The following HDAC7 variants were observed in gnomAD, a reference collection of about 807,000 sequenced individuals.
HDAC7 encodes histone deacetylase 7, also known as histone deacetylase 7A.
In HDAC7, 26 loss-of-function variants were observed where a neutral mutation model predicts 115.5. That is an observed-to-expected ratio of 0.23 (90% CI 0.16 to 0.31). The LOEUF is 0.31. Among genes scored for constraint, HDAC7 ranks in the 10% least tolerant of loss-of-function variants. The pLI, the probability that HDAC7 is intolerant of heterozygous loss-of-function variation, is 1.00. For missense variants in HDAC7, 1,068 were observed against 1,329.0 expected, an observed-to-expected ratio of 0.80 and a Z score of 3.05; for synonymous variants, 564 against 550.9, an observed-to-expected ratio of 1.02 and a Z score of -0.33.
At position 47,811,106 on chromosome 12, in the gene HDAC7, C is replaced by T. The variant is rs147404171; in HGVS notation, c.19+8661G>A. ...TGTGAATAGCCACAAGCTGTGAATC[C>T]TGACACTCACAGGGATGCCACATTA... On this transcript the variant is annotated intron_variant, in intron 1 of 25. Coordinates refer to ENST00000080059, the MANE Select transcript of HDAC7 (RefSeq NM_015401.5). Among the ~76,000 whole-genome samples, 841 of 152,268 alleles carry T rather than the reference C, an allele frequency of 5.5e-3. 11 individuals carry two copies. Among genetic ancestry groups the T allele is most frequent in the Middle Eastern group, 0.01 (3 of 294 alleles).
In HDAC7 at chr12:47,793,335, C is replaced by CG; in HGVS notation, c.1678+33_1678+34insC. Reference sequence around the variant, plus strand: ...CACATGGACTCGTGCAGCCGAGCCCCTCCCTCCACCCGCCACCCTCCTCCC... The same window carrying CG: ...CACATGGACTCGTGCAGCCGAGCCCCGTCCCTCCACCCGCCACCCTCCTCCC... On this transcript the variant is annotated intron_variant, in intron 13 of 25. Transcript: ENST00000080059. The surrounding 1 kb of genome is among the most constrained non-coding windows in gnomAD (Gnocchi z 4.5). 7.5e-7 allele frequency: 1 copy of CG among 1,332,066 alleles called. No homozygotes were observed. 82.5% of individuals were successfully genotyped at this position (1,332,066 alleles called of 1,614,324 possible).
At chr12:47,817,695 T>C (rs1944888081) in intron 1 of HDAC7, 1 of 152,270 alleles carries the variant, frequency 6.6e-6, no homozygotes, top group African/African-American at 2.4e-5. Context: ...GGGCCTTGCA[T>C]TAGCTCACCT....
chr12:47,785,703 G>A lies in HDAC7; in HGVS notation c.2706+49C>T, dbSNP rs370045927. ...TGCTCCTTGGGTAGTCCTGAGAGCC[G>A]GGCTTACCTGCCTGACAGAAGCATG... On this transcript the variant is annotated intron_variant, in intron 23 of 25. Transcript: ENST00000080059. 425 of 1,567,400 alleles carry A rather than the reference G, an allele frequency of 2.7e-4. 1 individual carries two copies. The highest frequency in any genetic ancestry group is 3.2e-4 in the African/African-American group (24 of 74,102).
At chr12:47,787,080 A>G (rs1429356824) in intron 21 of HDAC7, among the ~76,000 whole-genome samples, 2 of 152,014 alleles carry the variant, frequency 1.3e-5, no homozygotes, top group Admixed American at 6.5e-5. Flanking sequence ...GCGGAGATGG[A>G]CTCTGGTCAC....
At chr12:47,816,172 G>A (rs189093184) in intron 1 of HDAC7, among the ~76,000 whole-genome samples, 68 of 152,218 alleles carry the variant, frequency 4.5e-4, no homozygotes, top group African/African-American at 1.5e-3. Flanking sequence ...GATTACAGGC[G>A]TAAGTCACCG....
chr12:47,799,149 T>C (rs1944039198), intron 2 of HDAC7, 177 bp from the exon 3 acceptor site: 1 of 556,190 alleles, frequency 1.8e-6, no homozygotes, highest in South Asian at 2.7e-5. Flanking sequence ...ATCAATTCCA[T>C]TTTACTCGTG....
At position 47,803,736 on chromosome 12, in the gene HDAC7, A is replaced by C. The variant is rs565900957; in HGVS notation, c.20-1462T>G. 6.6e-6 allele frequency among the ~76,000 whole-genome samples: 1 copy of C among 152,258 alleles called. No individual in the cohort carries two copies. The highest frequency in any genetic ancestry group is 2.4e-5 in the African/African-American group (1 of 41,560). ...GGCAGGCTCTGTTAGTAGCTGACAA[A>C]TCAAATACAATGACTCTCTCCTGAC... is the stretch of plus-strand genomic sequence containing the variant. On this transcript the variant is annotated intron_variant, in intron 1 of 25. Coordinates refer to ENST00000080059, the MANE Select transcript of HDAC7 (RefSeq NM_015401.5). The surrounding 1 kb of genome is among the most constrained non-coding windows in gnomAD (Gnocchi z 4.0).
intron 21 of HDAC7, 22 bp from the exon 22 acceptor site, chr12:47,786,725 C>G (rs2240108): frequency 1.9e-6 from 3 of 1,591,452 alleles, no homozygotes; most frequent in Non-Finnish European, 2.6e-6. Context: ...CAAGAAGTGG[C>G]GATCATCGTA....
chr12:47,791,743 GC>G lies in HDAC7; in HGVS notation c.1813-38del, dbSNP rs776392178. On this transcript the variant is annotated intron_variant, in intron 14 of 25. Transcript: ENST00000080059. ...ACCACAGAGCTCTGAGCTCATGCTCGCCCCTTCCCTCCCATCACCACCACCC... is the reference window on the plus strand; with the variant it reads ...ACCACAGAGCTCTGAGCTCATGCTCGCCCTTCCCTCCCATCACCACCACCC... 4 of 1,607,652 alleles carry G rather than the reference GC, an allele frequency of 2.5e-6. No homozygotes were observed. The East Asian group carries it at 8.9e-5, about 36-fold the overall frequency.
chr12:47,802,353 G>C (rs1944209557), intron 1 of HDAC7, 79 bp from the exon 2 acceptor site: 1 of 1,539,188 alleles, frequency 6.5e-7, no homozygotes, highest in African/African-American at 1.4e-5. Flanking sequence ...GGTCAAGCCA[G>C]GCCTGCTCCC....
At chr12:47,788,364 A>T (rs1943290040) in intron 19 of HDAC7, 200 bp from the exon 20 acceptor site, 4 of 498,792 alleles carry the variant, frequency 8.0e-6, no homozygotes, top group Non-Finnish European at 1.3e-5. Flanking sequence ...TCTGTGCTGG[A>T]CAGGGCTGGC....
chr12:47,800,478 A>T (rs896770140), intron 2 of HDAC7, among the ~76,000 whole-genome samples: 1 of 152,222 alleles, frequency 6.6e-6, no homozygotes, highest in Non-Finnish European at 1.5e-5. Flanking sequence ...GAATATCAAG[A>T]GGCCTGGAGG....
Position 47,794,749 on chromosome 12 carries a change from G to T in HDAC7, c.1458+11C>A, listed in dbSNP as rs978121247. 1.3e-6 allele frequency: 2 copies of T among 1,565,952 alleles called. No homozygotes were observed. Among genetic ancestry groups the T allele is most frequent in the Non-Finnish European group, 1.7e-6 (2 of 1,158,952 alleles). On this transcript the variant is annotated intron_variant, in intron 12 of 25. Transcript: ENST00000080059. ...GGACACTTTCTGAGGGGCAGGTGGG[G>T]ACTGCCATACCTGAGGGTGCTGCTG...
chr12:47,786,629 T>C lies in HDAC7; in HGVS notation c.2528A>G (p.Glu843Gly). 1 of 1,613,984 alleles carries C rather than the reference T, an allele frequency of 6.2e-7. No homozygotes were observed. The highest frequency in any genetic ancestry group is 8.5e-7 in the Non-Finnish European group (1 of 1,179,990). The change falls in exon 22 of 26, where the codon GAG becomes GGG. Residue 843 changes from glutamate to glycine, a missense_variant. Physicochemically the swap from Glu to Gly is moderately conservative, Grantham distance 98. This residue lies in a region of HDAC7 where 182 missense variants were observed against 301.1 expected (regional missense o/e 0.60). Transcript: ENST00000080059. ...VLVSAGFDAA[E>G]GHPAPLGGYH... is the part of the protein sequence containing the mutation. ...GCCACCCAGTGGGGCCGGGTGACCC[T>C]CAGCAGCATCAAATCCAGCAGACAC...
chr12:47,789,790 C>G (rs1943378637), intron 17 of HDAC7, 23 bp downstream of exon 17: 3 of 1,579,424 alleles, frequency 1.9e-6, no homozygotes, highest in African/African-American at 2.7e-5. Flanking sequence ...GTGGTGTGTC[C>G]ACCTTCAACC....
chr12:47,791,821 C>CCAAAA, intron 14 of HDAC7, 50 bp downstream of exon 14: 16 of 1,539,256 alleles, frequency 1.0e-5, no homozygotes, highest in Non-Finnish European at 1.3e-5. Context: ...CCTCCCCTCC[C>CCAAAA]ATGACTCCTC....
intron 22 of HDAC7, 163 bp from the exon 23 acceptor site, chr12:47,786,048 A>G (rs950365100): frequency 4.4e-5 from 32 of 726,622 alleles, no homozygotes; most frequent in African/African-American, 3.6e-4. Flanking sequence ...TACAAAACCT[A>G]CTAGTATGCT....
intron 1 of HDAC7, among the ~76,000 whole-genome samples, chr12:47,816,296 C>G (rs1324707944): frequency 1.3e-5 from 2 of 152,108 alleles, no homozygotes; most frequent in Non-Finnish European, 2.9e-5. Context: ...AAGCCAGCAT[C>G]TGGACTTCTA....
At chr12:47,787,963 C>T in intron 20 of HDAC7, 82 bp downstream of exon 20, 1 of 1,585,244 alleles carries the variant, frequency 6.3e-7, no homozygotes, top group Non-Finnish European at 8.6e-7. Context: ...CCCAGGATCA[C>T]ACAGCTCGTC....
Sources: gnomAD v4.1 joint callset for allele counts (sites outside exome capture counted in the v4.1 genomes callset) on GRCh38, gnomAD v4.1.1 for gene constraint, gnomAD v4.1.1 regional missense constraint, Gnocchi (gnomAD v3.1) non-coding constraint, MANE v1.5 for transcripts, NCBI Gene and HGNC (gene_info 2026-07-23, HGNC 2026-07-21) for gene names.